Variants in CACNA1H observed in about 807,000 individuals in gnomAD.
CACNA1H encodes the protein voltage-dependent T-type calcium channel subunit alpha-1H.
Under a neutral mutation model 192.5 loss-of-function variants are expected in CACNA1H, and 149 were observed. That is an observed-to-expected ratio of 0.77 (90% CI 0.68 to 0.89). CACNA1H has a LOEUF of 0.89. CACNA1H is among the 40% of genes least tolerant of loss of function. The pLI, the probability that CACNA1H is intolerant of heterozygous loss-of-function variation, is 0.00. For synonymous variants in CACNA1H, 2,202 were observed against 1,475.2 expected (o/e 1.49, Z -11.29); for missense variants, 4,257 against 3,423.5 (o/e 1.24, Z -6.08).
At chr16:1,199,538 C>G (rs150471511) in intron 6 of CACNA1H, among the ~76,000 whole-genome samples, 6 of 150,630 alleles carry the variant, frequency 4.0e-5, no homozygotes, top group Non-Finnish European at 8.9e-5. Context: ...TCTCAGCCCC[C>G]AAGACAGGTT....
intron 12 of CACNA1H, chr16:1,206,637 G>C (rs910052092): frequency 4.7e-6 from 2 of 422,020 alleles, no homozygotes; most frequent in Non-Finnish European, 8.6e-6. Flanking sequence ...CTGGAGCTCA[G>C]GGTCAGGGTC....
rs757918676 is a variant in CACNA1H, at chr16:1,202,252, G to A, written c.1802G>A (p.Ser601Asn). 2 of 1,568,980 alleles carry A rather than the reference G, an allele frequency of 1.3e-6. No homozygotes were observed. The highest frequency in any genetic ancestry group is 1.4e-5 in the African/African-American group (1 of 73,654). ...VAHAAATAAA[S>N]LRLATGLGTM... is the part of the protein sequence containing the mutation. ...CATGCCGCAGCCACTGCCGCTGCCA[G>A]CCTCAGACTGGCCACAGGGCTGGGC... Residue 601 changes from serine (S) to asparagine (N), a missense_variant, in exon 9 of 35, where the codon AGC becomes AAC. Ser to Asn is a conservative substitution (Grantham distance 46, BLOSUM62 1). Transcript: ENST00000348261.
rs761698159 is a variant in CACNA1H, at chr16:1,207,370, C to G, written c.3003C>G (p.Phe1001Leu). 1.9e-6 allele frequency: 3 copies of G among 1,613,230 alleles called. No individual in the cohort carries two copies. Among genetic ancestry groups the G allele is most frequent in the Non-Finnish European group, 2.5e-6 (3 of 1,179,800 alleles). ...TCTACTTCGTGGCCCTCATGACCTT[C>G]GGCAACTATGTGCTCTTCAACCTGC... ...AALYFVALMT[F>L]GNYVLFNLLV... Residue 1001 changes from phenylalanine (F) to leucine (L), a missense_variant, in exon 14 of 35, where the codon TTC becomes TTG. Phe to Leu is a conservative substitution (Grantham distance 22). Coordinates refer to ENST00000348261, the MANE Select transcript of CACNA1H (RefSeq NM_021098.3).
intron 2 of CACNA1H, among the ~76,000 whole-genome samples, chr16:1,172,267 C>T (rs998898521): frequency 6.6e-6 from 1 of 152,162 alleles, no homozygotes; most frequent in East Asian, 1.9e-4. Context: ...GGGGCTGGGG[C>T]TCCCCCCACA....
chr16:1,197,985 G>A (rs907589878), intron 5 of CACNA1H, among the ~76,000 whole-genome samples: 3 of 152,124 alleles, frequency 2.0e-5, no homozygotes, highest in Non-Finnish European at 2.9e-5. Context: ...CTGAAAAGCC[G>A]CTGCCGGTCC....
intron 2 of CACNA1H, among the ~76,000 whole-genome samples, chr16:1,163,879 A>G (rs1038247272): frequency 1.3e-5 from 2 of 152,172 alleles, no homozygotes; most frequent in South Asian, 2.1e-4. Flanking sequence ...AAGCTGGGCT[A>G]TGTGGCGGCC....
chr16:1,168,667 T>G (rs537333159), intron 2 of CACNA1H, among the ~76,000 whole-genome samples: 2 of 152,142 alleles, frequency 1.3e-5, no homozygotes, highest in East Asian at 3.9e-4. Context: ...GTTGGCCCTG[T>G]GTCAGGAGCC....
intron 5 of CACNA1H, 35 bp from the exon 6 acceptor site, chr16:1,198,580 C>T (rs1298587925): frequency 9.9e-6 from 16 of 1,608,780 alleles, no homozygotes; most frequent in African/African-American, 1.3e-5. Context: ...TCCTGCAGGG[C>T]TTAGCAGTGC....
intron 17 of CACNA1H, 104 bp from the exon 18 acceptor site, chr16:1,209,931 C>G: frequency 2.4e-6 from 2 of 824,360 alleles, no homozygotes; most frequent in Admixed American, 4.9e-5. Flanking sequence ...ATGGAGAAGG[C>G]TGAGAAGGTG....
intron 2 of CACNA1H, chr16:1,160,082 G>A (rs1962986119): frequency 6.6e-6 from 1 of 152,272 alleles, no homozygotes; most frequent in East Asian, 1.9e-4. Flanking sequence ...TCTGCTGGCT[G>A]AGTCCAAGCC....
rs1969170657 is a variant in CACNA1H, at chr16:1,209,498, A to AAACCC, written c.3744+86_3744+87insAACCC. On this transcript the variant is annotated intron_variant, in intron 17 of 34. Coordinates refer to ENST00000348261, the MANE Select transcript of CACNA1H (RefSeq NM_021098.3). ...TCAAGTGGGGTTTGAGATGGGATTCAGGGCGTGTTGTTGACTGAGGGGATT... is the reference window on the plus strand; with the variant it reads ...TCAAGTGGGGTTTGAGATGGGATTCAAACCCGGGCGTGTTGTTGACTGAGGGGATT... The AAACCC allele has an allele frequency of 2.0e-6, 3 of 1,516,396 alleles. No individual in the cohort carries two copies. The Admixed American group carries it at 5.3e-5, about 27-fold the overall frequency. The allele number at this position is 1,516,396 out of a possible 1,614,324, so 93.9% of individuals were successfully genotyped here.
chr16:1,209,574 G>A, intron 17 of CACNA1H, 162 bp downstream of exon 17: 1 of 843,118 alleles, frequency 1.2e-6, no homozygotes, highest in Non-Finnish European at 1.8e-6. Flanking sequence ...GCAGTGTTCA[G>A]GGATTCAGCC....
Position 1,209,156 on chromosome 16 carries a change from G to A in CACNA1H, c.3488G>A (p.Arg1163His), listed in dbSNP as rs774828631. The A allele has an allele frequency of 1.9e-5, 30 of 1,553,440 alleles. No individual in the cohort carries two copies. The highest frequency in any genetic ancestry group is 5.5e-5 in the African/African-American group (4 of 73,168). Residue 1163 changes from arginine to histidine, a missense_variant, in exon 17 of 35, where the codon CGT becomes CAT. Coordinates refer to ENST00000348261, the MANE Select transcript of CACNA1H (RefSeq NM_021098.3). ...AAGCGCCGCGGCCAGTGTGGGGAAC[G>A]TGAGTCCCTGCTGTCTGGCGAGGGC... ...SLKRRGQCGE[R>H]ESLLSGEGKG...
intron 2 of CACNA1H, among the ~76,000 whole-genome samples, chr16:1,189,966 C>T (rs1220764002): frequency 2.0e-5 from 3 of 152,240 alleles, no homozygotes; most frequent in Non-Finnish European, 4.4e-5. Context: ...AATGTGGTCC[C>T]CACAACCTTG....
Position 1,206,264 on chromosome 16 carries a change from C to T in CACNA1H, c.2764C>T (p.Leu922Phe), listed in dbSNP as rs936427078. The T allele has an allele frequency of 1.9e-6, 3 of 1,567,190 alleles. No individual in the cohort carries two copies. The highest frequency in any genetic ancestry group is 1.7e-6 in the Non-Finnish European group (2 of 1,157,048). ...MDNVATFCTLLMLFIFIFSIL... is the reference protein window; with the variant it reads ...MDNVATFCTLFMLFIFIFSIL... ...CAACGTGGCTACCTTCTGCACGCTG[C>T]TCATGCTCTTCATTTTCATCTTCAG... The change falls in exon 12 of 35, where the codon CTC (leucine) becomes TTC (phenylalanine). Residue 922 changes from leucine (L) to phenylalanine (F), a missense_variant. By Grantham distance (22) the Leu-to-Phe change is conservative. Coordinates refer to ENST00000348261, the MANE Select transcript of CACNA1H (RefSeq NM_021098.3).
At chr16:1,200,016 C>T (rs367591719) in intron 6 of CACNA1H, among the ~76,000 whole-genome samples, 3 of 152,144 alleles carry the variant, frequency 2.0e-5, no homozygotes, top group African/African-American at 4.8e-5. Context: ...AGTGTGGTTT[C>T]TGCAGCACCA....
At chr16:1,192,168 A>G (rs1044858138) in intron 2 of CACNA1H, among the ~76,000 whole-genome samples, 2 of 152,164 alleles carry the variant, frequency 1.3e-5, no homozygotes, top group Non-Finnish European at 2.9e-5. Flanking sequence ...ACGGTCCGAG[A>G]GGTCGGGGAG....
chr16:1,212,714 G>A (rs747240035), intron 26 of CACNA1H, among the ~76,000 whole-genome samples, 186 bp downstream of exon 26: 5 of 152,304 alleles, frequency 3.3e-5, no homozygotes, highest in African/African-American at 9.6e-5. Context: ...GCGTGCACGC[G>A]TGCGGCTCTG....
At chr16:1,212,289 G>A in intron 25 of CACNA1H, 151 bp downstream of exon 25, 1 of 1,285,630 alleles carries the variant, frequency 7.8e-7, no homozygotes, top group Middle Eastern at 2.7e-4. Context: ...GGCCTTGGAG[G>A]GGCTGGCCCG....
Sources: allele counts gnomAD v4.1 joint callset (sites outside exome capture counted in the v4.1 genomes callset), GRCh38; gene constraint gnomAD v4.1.1; transcripts MANE v1.5; gene names NCBI Gene and HGNC (gene_info 2026-07-23, HGNC 2026-07-21).